The following CNTNAP2 variants were observed in gnomAD, a reference collection of about 807,000 sequenced individuals.
The protein encoded by CNTNAP2 is contactin associated protein 2, also known as contactin-associated protein-like 2.
In CNTNAP2, 98 loss-of-function variants were observed where a neutral mutation model predicts 155.2. That is an observed-to-expected ratio of 0.63 (90% CI 0.54 to 0.75). The LOEUF is 0.75. Ranked by LOEUF, CNTNAP2 falls within the 30% of genes least tolerant of loss-of-function variation. The pLI, the probability that CNTNAP2 is intolerant of heterozygous loss-of-function variation, is 0.00. For synonymous variants in CNTNAP2, 651 were observed against 631.2 expected (o/e 1.03, Z -0.47); for missense variants, 1,727 against 1,688.1 (o/e 1.02, Z -0.40).
intron 1 of CNTNAP2, among the ~76,000 whole-genome samples, chr7:146,370,308 T>C (rs1419113124): frequency 1.4e-5 from 2 of 147,266 alleles, no homozygotes; most frequent in Non-Finnish European, 3.0e-5. Context: ...CGTGACAGCA[T>C]GTGCCTGTAA....
intron 8 of CNTNAP2, among the ~76,000 whole-genome samples, chr7:147,285,492 C>T (rs995693312): frequency 1.3e-5 from 2 of 151,822 alleles, no homozygotes; most frequent in Non-Finnish European, 2.9e-5. Flanking sequence ...TCATTTTAAG[C>T]TTTTGTTATA....
intron 3 of CNTNAP2, among the ~76,000 whole-genome samples, chr7:147,042,479 A>G (rs1799278649): frequency 6.6e-6 from 1 of 152,194 alleles, no homozygotes; most frequent in Non-Finnish European, 1.5e-5. Flanking sequence ...GATCTACTAC[A>G]AACTTGCATT....
chr7:147,830,781 T>C (rs1798534046), intron 13 of CNTNAP2, among the ~76,000 whole-genome samples: 1 of 152,192 alleles, frequency 6.6e-6, no homozygotes, highest in African/African-American at 2.4e-5. Context: ...TCTCTTGTAT[T>C]AGTGAGTTCC....
chr7:147,020,872 C>T (rs1249729046), intron 3 of CNTNAP2, among the ~76,000 whole-genome samples: 1 of 152,038 alleles, frequency 6.6e-6, no homozygotes, highest in Non-Finnish European at 1.5e-5. Flanking sequence ...TCAGAGAACA[C>T]TAAGGTTGGG....
At chr7:147,903,987 G>A (rs1370670185) in intron 14 of CNTNAP2, among the ~76,000 whole-genome samples, 1 of 152,206 alleles carries the variant, frequency 6.6e-6, no homozygotes, top group East Asian at 1.9e-4. Context: ...AATGAGCCAT[G>A]TTGTAGACAG....
At chr7:146,555,598 T>C (rs976667332) in intron 1 of CNTNAP2, among the ~76,000 whole-genome samples, 1 of 152,120 alleles carries the variant, frequency 6.6e-6, no homozygotes, top group Non-Finnish European at 1.5e-5. Context: ...TGAGGGAGAT[T>C]GTAGACTGTA....
intron 1 of CNTNAP2, among the ~76,000 whole-genome samples, chr7:146,721,280 T>C (rs1334523094): frequency 1.5e-5 from 2 of 131,518 alleles, no homozygotes; most frequent in African/African-American, 5.7e-5. Flanking sequence ...ATTCTATATA[T>C]ATTCTATATA....
rs1562965494 is a variant in CNTNAP2, at chr7:146,830,175, T to C, written c.209-9536T>C. ...TAGCTAGTACATTTTGAGTCCTGTT[T>C]AAAAAATCTTTCCCAACCACAAAAA... On this transcript the variant is annotated intron_variant, in intron 2 of 23. Transcript: ENST00000361727. Among the ~76,000 whole-genome samples the C allele has an allele frequency of 2.0e-5, 3 of 152,228 alleles. No homozygotes were observed. In the East Asian group the frequency reaches 5.8e-4, roughly 29 times the overall value.
intron 3 of CNTNAP2, among the ~76,000 whole-genome samples, chr7:147,021,544 G>A (rs1287087986): frequency 2.0e-5 from 3 of 152,024 alleles, no homozygotes; most frequent in Non-Finnish European, 4.4e-5. Context: ...TTGCTCTAAG[G>A]TCAAAATAGT....
At chr7:148,347,416 CA>C (rs986230970) in intron 21 of CNTNAP2, among the ~76,000 whole-genome samples, 9 of 152,258 alleles carry the variant, frequency 5.9e-5, no homozygotes, top group African/African-American at 2.2e-4. Flanking sequence ...CACCCAAGAC[CA>C]TACAACAAGA....
chr7:146,984,042 G>A (rs577205515), intron 3 of CNTNAP2, among the ~76,000 whole-genome samples: 1 of 152,046 alleles, frequency 6.6e-6, no homozygotes, highest in Non-Finnish European at 1.5e-5. Context: ...TGCCCTTCTT[G>A]TTCTTCCTCT....
intron 16 of CNTNAP2, among the ~76,000 whole-genome samples, chr7:148,131,820 C>T (rs1397070928): frequency 6.6e-6 from 1 of 151,638 alleles, no homozygotes; most frequent in Non-Finnish European, 1.5e-5. Context: ...AGGGATGACA[C>T]TTGGGACCAA....
intron 8 of CNTNAP2, among the ~76,000 whole-genome samples, chr7:147,255,923 T>C (rs1404529320): frequency 2.6e-5 from 4 of 151,884 alleles, no homozygotes; most frequent in African/African-American, 9.7e-5. Flanking sequence ...GTATTTTTAG[T>C]AGAGACAGGA....
intron 12 of CNTNAP2, among the ~76,000 whole-genome samples, chr7:147,574,709 G>T (rs1437445051): frequency 6.6e-6 from 1 of 152,002 alleles, no homozygotes; most frequent in African/African-American, 2.4e-5. Context: ...CTAACAGCAT[G>T]AACATTCAGT....
chr7:147,921,897 A>T (rs1054016470), intron 14 of CNTNAP2, among the ~76,000 whole-genome samples: 4 of 152,198 alleles, frequency 2.6e-5, no homozygotes, highest in Non-Finnish European at 5.9e-5. Context: ...TATGGGGGGT[A>T]GGAATTCAAT....
chr7:148,191,278 C>CTCCTCTT (rs1201060745), intron 18 of CNTNAP2, among the ~76,000 whole-genome samples: 2 of 152,076 alleles, frequency 1.3e-5, no homozygotes, highest in African/African-American at 4.8e-5. Flanking sequence ...CTCTCTCCCT[C>CTCCTCTT]TCCTCTTTCC....
chr7:146,755,322 A>G (rs1801977412), intron 1 of CNTNAP2, among the ~76,000 whole-genome samples: 1 of 152,046 alleles, frequency 6.6e-6, no homozygotes, highest in Non-Finnish European at 1.5e-5. Flanking sequence ...CGGACTCAAA[A>G]GTGTATGTGT....
At chr7:146,187,577 C>T (rs1798642303) in intron 1 of CNTNAP2, among the ~76,000 whole-genome samples, 1 of 152,112 alleles carries the variant, frequency 6.6e-6, no homozygotes, top group Non-Finnish European at 1.5e-5. Context: ...TTTGATATGA[C>T]CTGGCTTAAG....
chr7:146,602,892 G>T (rs761526753), intron 1 of CNTNAP2, among the ~76,000 whole-genome samples: 4 of 143,788 alleles, frequency 2.8e-5, no homozygotes, highest in Admixed American at 6.8e-5. Flanking sequence ...TTCTATCTTG[G>T]AGGTCTCTTA....
Sources: allele counts gnomAD v4.1 joint callset (sites outside exome capture counted in the v4.1 genomes callset), GRCh38; gene constraint gnomAD v4.1.1; transcripts MANE v1.5; gene names NCBI Gene and HGNC (gene_info 2026-07-23, HGNC 2026-07-21).